TBX15: variants seen among roughly 807,000 people sequenced by gnomAD.
TBX15 encodes T-box transcription factor 15.
TBX15 carries 18 observed loss-of-function variants against 53.9 expected under a neutral mutation model. That is an observed-to-expected ratio of 0.33 (90% confidence interval 0.23 to 0.49). TBX15 has a LOEUF of 0.49. Among genes scored for constraint, TBX15 ranks in the 20% least tolerant of loss-of-function variants. The pLI, the probability that TBX15 is intolerant of heterozygous loss-of-function variation, is 0.98. For missense variants in TBX15, 692 were observed against 749.5 expected (o/e 0.92, Z 0.90); for synonymous variants, 295 against 278.0 (o/e 1.06, Z -0.61).
chr1:118,924,822 G>C lies in TBX15; in HGVS notation c.522-5C>G. On this transcript the variant is annotated splice_region_variant and splice_polypyrimidine_tract_variant and intron_variant, in intron 3 of 7. Coordinates refer to ENST00000369429, the MANE Select transcript of TBX15 (RefSeq NM_001330677.2). Reference sequence around the variant, plus strand: ...TTGGAGCTATGATACACATATCTGAGATAAAGAGGAAGAGAGGAAAATTCA... The same window carrying C: ...TTGGAGCTATGATACACATATCTGACATAAAGAGGAAGAGAGGAAAATTCA... The C allele has an allele frequency of 6.2e-7, 1 of 1,613,898 alleles. No individual in the cohort carries two copies. Among genetic ancestry groups the C allele is most frequent in the South Asian group, 1.1e-5 (1 of 91,060 alleles).
intron 1 of TBX15, among the ~76,000 whole-genome samples, chr1:118,951,040 A>T (rs533134796): frequency 6.0e-4 from 92 of 152,398 alleles, no homozygotes; most frequent in African/African-American, 2.1e-3. Context: ...GTTTTAAGAA[A>T]AGATAGAATC....
chr1:118,949,430 G>A (rs1289313042), intron 1 of TBX15, among the ~76,000 whole-genome samples: 1 of 152,214 alleles, frequency 6.6e-6, no homozygotes, highest in Non-Finnish European at 1.5e-5. Context: ...TGGTTTTAAT[G>A]GAGAACTAAT....
chr1:118,987,546 G>A, intron 1 of TBX15, 45 bp downstream of exon 1: 1 of 1,525,878 alleles, frequency 6.6e-7, no homozygotes, highest in South Asian at 1.2e-5. Context: ...GCCCTTCGGC[G>A]TCCCCTCTCC....
chr1:118,966,400 C>T (rs563609780), intron 1 of TBX15, among the ~76,000 whole-genome samples: 19 of 152,230 alleles, frequency 1.2e-4, no homozygotes, highest in Admixed American at 3.9e-4. Flanking sequence ...ACACTGGCTC[C>T]TCAAAAAAAA....
chr1:118,981,958 C>T (rs999983141), intron 1 of TBX15, among the ~76,000 whole-genome samples: 7 of 152,250 alleles, frequency 4.6e-5, no homozygotes, highest in Non-Finnish European at 1.0e-4. Context: ...AGAGATTCCA[C>T]ATTCCACCAG....
intron 1 of TBX15, among the ~76,000 whole-genome samples, chr1:118,977,648 A>C (rs1657480362): frequency 6.6e-6 from 1 of 152,220 alleles, no homozygotes; most frequent in African/African-American, 2.4e-5. Flanking sequence ...AAGGAAATAA[A>C]GTCCTACAGA....
At chr1:118,924,960 T>C in intron 3 of TBX15, 143 bp from the exon 4 acceptor site, 2 of 874,010 alleles carry the variant, frequency 2.3e-6, no homozygotes, top group Admixed American at 4.4e-5. Context: ...AAACAGAGAC[T>C]CAAAGGAGGA....
chr1:118,903,180 T>C (rs1056236730), intron 6 of TBX15, among the ~76,000 whole-genome samples: 2 of 152,196 alleles, frequency 1.3e-5, no homozygotes, highest in African/African-American at 4.8e-5. Flanking sequence ...TCCAGGCCTC[T>C]TCTCTTTAGG....
intron 1 of TBX15, 67 bp downstream of exon 1, chr1:118,987,524 G>T: frequency 6.7e-7 from 1 of 1,496,560 alleles, no homozygotes; most frequent in Non-Finnish European, 8.9e-7. Context: ...CCTCACCCGC[G>T]ACCGGCGACT....
At chr1:118,919,009 C>A (rs1383413740) in intron 5 of TBX15, among the ~76,000 whole-genome samples, 1 of 152,148 alleles carries the variant, frequency 6.6e-6, no homozygotes, top group African/African-American at 2.4e-5. Flanking sequence ...CTGATTTGAG[C>A]CAGCAAAATG....
intron 1 of TBX15, among the ~76,000 whole-genome samples, chr1:118,972,347 C>A (rs934756953): frequency 1.2e-4 from 19 of 152,180 alleles, no homozygotes; most frequent in African/African-American, 4.6e-4. Context: ...CCTTTTCCTT[C>A]TTAAAATGAT....
chr1:118,908,745 G>A (rs184395684), intron 6 of TBX15, among the ~76,000 whole-genome samples: 48 of 149,118 alleles, frequency 3.2e-4, no homozygotes, highest in Non-Finnish European at 5.4e-4. Flanking sequence ...ACCTACTCCT[G>A]TCTCTCTCTC....
intron 2 of TBX15, among the ~76,000 whole-genome samples, chr1:118,930,858 T>G (rs1195160381): frequency 6.6e-6 from 1 of 152,244 alleles, no homozygotes; most frequent in Non-Finnish European, 1.5e-5. Context: ...TTAGTACCCA[T>G]GTGCCTTAGC....
At chr1:118,907,991 G>T (rs1379407933) in intron 6 of TBX15, among the ~76,000 whole-genome samples, 2 of 152,060 alleles carry the variant, frequency 1.3e-5, no homozygotes, top group Non-Finnish European at 1.5e-5. Flanking sequence ...CTACAGTTAG[G>T]CTAAATCAAT....
At chr1:118,947,903 G>T (rs148766851) in intron 1 of TBX15, among the ~76,000 whole-genome samples, 37 of 152,244 alleles carry the variant, frequency 2.4e-4, no homozygotes, top group African/African-American at 8.9e-4. Context: ...AAATGGAGAC[G>T]TTAACTGCTT....
intron 1 of TBX15, among the ~76,000 whole-genome samples, chr1:118,980,252 C>G (rs1049505892): frequency 1.3e-5 from 2 of 152,088 alleles, no homozygotes; most frequent in African/African-American, 4.8e-5. Flanking sequence ...ACTACACGCT[C>G]CCAGCTGTGG....
intron 6 of TBX15, among the ~76,000 whole-genome samples, chr1:118,911,864 T>A (rs1655038387): frequency 6.6e-6 from 1 of 152,332 alleles, no homozygotes; most frequent in South Asian, 2.1e-4. Context: ...ATTCATGGCA[T>A]CTTATCAGGA....
At chr1:118,971,852 G>A (rs1201984814) in intron 1 of TBX15, among the ~76,000 whole-genome samples, 3 of 152,210 alleles carry the variant, frequency 2.0e-5, no homozygotes, top group African/African-American at 7.2e-5. Context: ...TAGAATAGGT[G>A]TGCATCCTGC....
intron 6 of TBX15, among the ~76,000 whole-genome samples, chr1:118,903,043 A>G (rs1361066273): frequency 1.3e-5 from 2 of 152,024 alleles, no homozygotes; most frequent in African/African-American, 2.4e-5. Context: ...GAGATTTCCA[A>G]TCAGAGACGG....
Sources: gnomAD v4.1 joint callset for allele counts (sites outside exome capture counted in the v4.1 genomes callset) on GRCh38, gnomAD v4.1.1 for gene constraint, MANE v1.5 for transcripts, NCBI Gene and HGNC (gene_info 2026-07-23, HGNC 2026-07-21) for gene names.